The following ZFHX3 variants were observed in gnomAD, a reference collection of about 807,000 sequenced individuals.
The protein encoded by ZFHX3 is zinc finger homeobox 3, also known as zinc finger homeobox protein 3.
In ZFHX3, 42 loss-of-function variants were observed where a neutral mutation model predicts 279.1. The observed-to-expected ratio is 0.15, with a 90% CI of 0.12 to 0.19. The LOEUF (loss-of-function observed/expected upper bound fraction) is 0.19, where lower values mean the gene tolerates loss of function less well. Ranked by LOEUF, ZFHX3 falls within the 10% of genes least tolerant of loss-of-function variation. ZFHX3 has a pLI of 1.00. For synonymous variants in ZFHX3, 2,293 were observed against 1,957.8 expected (o/e 1.17, Z -4.52); for missense variants, 4,981 against 4,754.0 (o/e 1.05, Z -1.40).
At chr16:72,846,700 T>A (rs1597304338) in intron 4 of ZFHX3, among the ~76,000 whole-genome samples, 1 of 152,296 alleles carries the variant, frequency 6.6e-6, no homozygotes, top group African/African-American at 2.4e-5. Context: ...GGATTTCCAG[T>A]AGAAAAACTC....
At chr16:72,941,239 G>C (rs1049858078) in intron 3 of ZFHX3, among the ~76,000 whole-genome samples, 1 of 152,208 alleles carries the variant, frequency 6.6e-6, no homozygotes, top group African/African-American at 2.4e-5. Flanking sequence ...TTATAGGAAA[G>C]CATTTTACTT....
intron 3 of ZFHX3, among the ~76,000 whole-genome samples, chr16:73,357,648 C>G (rs1275254063): frequency 6.6e-6 from 1 of 152,152 alleles, no homozygotes; most frequent in Non-Finnish European, 1.5e-5. Context: ...TGACAGGTTC[C>G]CCTTGGACCA....
At chr16:73,323,668 G>A (rs2015624838) in intron 3 of ZFHX3, among the ~76,000 whole-genome samples, 1 of 152,156 alleles carries the variant, frequency 6.6e-6, no homozygotes, top group African/African-American at 2.4e-5. Flanking sequence ...GGGTAAAAGA[G>A]GAACAGCAGA....
At chr16:73,220,334 CT>C (rs937534666) in intron 5 of ZFHX3, among the ~76,000 whole-genome samples, 2 of 151,792 alleles carry the variant, frequency 1.3e-5, no homozygotes, top group African/African-American at 4.8e-5. Flanking sequence ...ACATGAACCC[CT>C]GAATCTAAAA....
intron 2 of ZFHX3, among the ~76,000 whole-genome samples, chr16:73,562,688 G>T (rs527940252): frequency 6.8e-6 from 1 of 147,256 alleles, no homozygotes; most frequent in Non-Finnish European, 1.5e-5. Context: ...CCTTTTGAAA[G>T]ATGGCTTTAA....
chr16:73,782,062 G>A (rs374630176), intron 1 of ZFHX3, among the ~76,000 whole-genome samples: 2 of 152,198 alleles, frequency 1.3e-5, no homozygotes, highest in African/African-American at 4.8e-5. Flanking sequence ...AGCCCAGGCA[G>A]GGTCTCCATT....
At chr16:73,256,799 A>T (rs920453676) in intron 5 of ZFHX3, among the ~76,000 whole-genome samples, 16 of 152,234 alleles carry the variant, frequency 1.1e-4, no homozygotes, top group Non-Finnish European at 1.8e-4. Flanking sequence ...ATTTAATCAT[A>T]GTGCCCTTTG....
chr16:73,267,680 G>T (rs1044272724), intron 4 of ZFHX3, among the ~76,000 whole-genome samples: 1 of 152,168 alleles, frequency 6.6e-6, no homozygotes, highest in African/African-American at 2.4e-5. Context: ...GGGCAGCTTG[G>T]TCTAGCCTGG....
chr16:72,798,648 T>G lies in ZFHX3; in HGVS notation c.4034A>C (p.Lys1345Thr). ...SASTEQSGDLKPSPADPGSVR... is the reference protein window; with the variant it reads ...SASTEQSGDLTPSPADPGSVR... Reference sequence around the variant, plus strand: ...AGAGCCTGGGTCAGCAGGGGATGGTTTCAAATCTCCGCTTTGCTCTGTGCT... The same window carrying G: ...AGAGCCTGGGTCAGCAGGGGATGGTGTCAAATCTCCGCTTTGCTCTGTGCT... The change falls in exon 9 of 10, where the codon AAA becomes ACA. Residue 1345 changes from lysine to threonine, a missense_variant. Lys to Thr is a moderately conservative substitution (Grantham distance 78, BLOSUM62 -1). Coordinates refer to ENST00000268489, the MANE Select transcript of ZFHX3 (RefSeq NM_006885.4). 1 of 1,613,770 alleles carries G rather than the reference T, an allele frequency of 6.2e-7. No homozygotes were observed. The highest frequency in any genetic ancestry group is 8.5e-7 in the Non-Finnish European group (1 of 1,179,872).
chr16:73,335,106 A>G (rs1037541124), intron 3 of ZFHX3, among the ~76,000 whole-genome samples: 18 of 152,138 alleles, frequency 1.2e-4, no homozygotes, highest in Non-Finnish European at 2.5e-4. Flanking sequence ...AAACCAAGAC[A>G]TACATAAAGA....
At chr16:72,920,191 AT>A (rs1239017582) in intron 3 of ZFHX3, among the ~76,000 whole-genome samples, 3 of 152,162 alleles carry the variant, frequency 2.0e-5, no homozygotes, top group Admixed American at 6.5e-5. Flanking sequence ...TTAAAAAAAA[AT>A]AACCAAAATA....
chr16:73,541,028 C>A (rs1309419417), intron 2 of ZFHX3, among the ~76,000 whole-genome samples: 1 of 152,208 alleles, frequency 6.6e-6, no homozygotes, highest in African/African-American at 2.4e-5. Context: ...CAGCCCTGGC[C>A]CTGCCTACCC....
intron 1 of ZFHX3, among the ~76,000 whole-genome samples, chr16:72,968,727 T>A (rs1394364201): frequency 1.3e-5 from 2 of 152,190 alleles, no homozygotes; most frequent in African/African-American, 2.4e-5. Context: ...CCTGTCAAAG[T>A]GCTGAGATTA....
At chr16:73,150,606 T>C (rs1458700901) in intron 5 of ZFHX3, among the ~76,000 whole-genome samples, 1 of 152,212 alleles carries the variant, frequency 6.6e-6, no homozygotes, top group East Asian at 1.9e-4. Context: ...CATAAAAGCA[T>C]GAAATCACCT....
intron 5 of ZFHX3, among the ~76,000 whole-genome samples, chr16:72,813,526 G>A (rs2036521255): frequency 1.3e-5 from 2 of 152,206 alleles, no homozygotes; most frequent in African/African-American, 4.8e-5. Context: ...TTCCCAGAGT[G>A]CACATCTTGT....
intron 3 of ZFHX3, among the ~76,000 whole-genome samples, chr16:72,897,481 C>A (rs889530240): frequency 1.3e-5 from 2 of 152,094 alleles, no homozygotes; most frequent in African/African-American, 4.8e-5. Context: ...ACTCTATCAT[C>A]CAGGATGGAG....
At chr16:72,990,058 G>C (rs1253892838) in intron 1 of ZFHX3, among the ~76,000 whole-genome samples, 2 of 152,078 alleles carry the variant, frequency 1.3e-5, no homozygotes, top group African/African-American at 2.4e-5. Flanking sequence ...CACAAGGTTT[G>C]GGTTTTTTTC....
intron 1 of ZFHX3, among the ~76,000 whole-genome samples, chr16:73,834,622 G>A (rs1404083020): frequency 6.6e-6 from 1 of 152,246 alleles, no homozygotes; most frequent in Non-Finnish European, 1.5e-5. Flanking sequence ...GCTGGGCGTG[G>A]TGGCTCACGC....
intron 3 of ZFHX3, among the ~76,000 whole-genome samples, chr16:73,375,763 C>T (rs1386603431): frequency 6.6e-6 from 1 of 151,994 alleles, no homozygotes; most frequent in Non-Finnish European, 1.5e-5. Flanking sequence ...CCCAATAGTC[C>T]CAGGAAAACA....
Sources: allele counts gnomAD v4.1 joint callset (sites outside exome capture counted in the v4.1 genomes callset), GRCh38; gene constraint gnomAD v4.1.1; transcripts MANE v1.5; gene names NCBI Gene and HGNC (gene_info 2026-07-23, HGNC 2026-07-21).